The following WWOX variants were observed in gnomAD, a reference collection of about 807,000 sequenced individuals.
WWOX encodes WW domain-containing oxidoreductase.
WWOX carries 69 observed loss-of-function variants against 46.2 expected under a neutral mutation model. That is an observed-to-expected ratio of 1.49 (90% CI 1.23 to 1.82). The LOEUF (loss-of-function observed/expected upper bound fraction) is 1.82. Ranked by LOEUF, WWOX falls within the 40% of genes most tolerant of loss-of-function variation. The pLI is 0.00. For synonymous variants in WWOX, 359 were observed against 202.6 expected (o/e 1.77, Z -6.56); for missense variants, 919 against 542.6 (o/e 1.69, Z -6.89).
intron 7 of WWOX, among the ~76,000 whole-genome samples, chr16:78,427,841 C>T (rs1012341412): frequency 6.6e-6 from 1 of 151,956 alleles, no homozygotes; most frequent in Non-Finnish European, 1.5e-5. Flanking sequence ...TGTCTCACGC[C>T]TGTAATCCCA....
At chr16:79,172,251 T>C (rs1340998258) in intron 8 of WWOX, among the ~76,000 whole-genome samples, 1 of 152,204 alleles carries the variant, frequency 6.6e-6, no homozygotes, top group African/African-American at 2.4e-5. Context: ...GAGCAGGAAC[T>C]GTGTATATCC....
intron 8 of WWOX, among the ~76,000 whole-genome samples, chr16:78,594,718 T>G (rs2045443963): frequency 1.3e-5 from 2 of 152,120 alleles, no homozygotes; most frequent in East Asian, 3.9e-4. Flanking sequence ...TGTCCCTTTT[T>G]ATAACTCATA....
intron 6 of WWOX, among the ~76,000 whole-genome samples, chr16:78,396,382 T>A (rs2082287464): frequency 6.6e-6 from 1 of 152,170 alleles, no homozygotes; most frequent in African/African-American, 2.4e-5. Context: ...GTGTTCGAAT[T>A]AACCACACCA....
intron 5 of WWOX, among the ~76,000 whole-genome samples, chr16:78,376,979 C>G (rs990687907): frequency 1.3e-5 from 2 of 152,176 alleles, no homozygotes; most frequent in Non-Finnish European, 2.9e-5. Flanking sequence ...TATTGACTTG[C>G]GACTTGCGGC....
intron 8 of WWOX, among the ~76,000 whole-genome samples, chr16:79,081,570 G>A (rs1396183384): frequency 6.6e-6 from 1 of 152,066 alleles, no homozygotes; most frequent in African/African-American, 2.4e-5. Context: ...CTCTTTGTGG[G>A]GCCCTGAACA....
At chr16:79,204,304 G>C (rs897434799) in intron 8 of WWOX, 2 of 151,982 alleles carry the variant, frequency 1.3e-5, no homozygotes, top group African/African-American at 2.4e-5. Context: ...CTCAGGTCCG[G>C]TCAGTTCTAG....
intron 8 of WWOX, among the ~76,000 whole-genome samples, chr16:78,983,954 T>C (rs2046734470): frequency 7.1e-6 from 1 of 141,780 alleles, no homozygotes; most frequent in African/African-American, 2.6e-5. Context: ...CTCAGCTGAC[T>C]GCAAGCTCTG....
In WWOX at chr16:78,406,331, TA is replaced by T. The variant is rs1567553396; in HGVS notation, c.606-18538del. Reference sequence around the variant, plus strand: ...ATATATATATATATATATATATATATATATATATATATATATATATATATTT... The same window carrying T: ...ATATATATATATATATATATATATATTATATATATATATATATATATATTT... On this transcript the variant is annotated intron_variant, in intron 6 of 8. Coordinates refer to ENST00000566780, the MANE Select transcript of WWOX (RefSeq NM_016373.4). Among the ~76,000 whole-genome samples the T allele has an allele frequency of 8.2e-4, 78 of 95,056 alleles. 2 individuals carry two copies. Among genetic ancestry groups the T allele is most frequent in the African/African-American group, 6.0e-3 (74 of 12,284 alleles). The allele number at this position is 95,056 out of a possible 152,430, so 62.4% of individuals were successfully genotyped here.
intron 8 of WWOX, among the ~76,000 whole-genome samples, chr16:79,151,514 C>G (rs1439234086): frequency 1.3e-5 from 2 of 152,220 alleles, no homozygotes; most frequent in East Asian, 1.9e-4. Flanking sequence ...TCTACATGAT[C>G]AGTGTTCAGG....
At chr16:78,943,744 T>C (rs1414196303) in intron 8 of WWOX, among the ~76,000 whole-genome samples, 1 of 152,138 alleles carries the variant, frequency 6.6e-6, no homozygotes, top group African/African-American at 2.4e-5. Context: ...GCCAAGACCA[T>C]TAAGCTTCCT....
At chr16:78,608,036 T>C (rs999454833) in intron 8 of WWOX, among the ~76,000 whole-genome samples, 12 of 152,188 alleles carry the variant, frequency 7.9e-5, no homozygotes, top group African/African-American at 1.9e-4. Context: ...ACAAATCTTA[T>C]ATCATTAGAT....
intron 8 of WWOX, among the ~76,000 whole-genome samples, chr16:78,461,334 C>G (rs774110909): frequency 3.3e-5 from 5 of 151,924 alleles, no homozygotes; most frequent in Non-Finnish European, 7.4e-5. Context: ...AAATGAGGAA[C>G]TCATCGGTAA....
At chr16:79,008,411 G>A (rs546465691) in intron 8 of WWOX, among the ~76,000 whole-genome samples, 8 of 152,118 alleles carry the variant, frequency 5.3e-5, no homozygotes, top group Admixed American at 2.6e-4. Context: ...TGACATCTGC[G>A]AAATTCCTCC....
At chr16:78,716,203 G>A (rs950370671) in intron 8 of WWOX, among the ~76,000 whole-genome samples, 4 of 151,978 alleles carry the variant, frequency 2.6e-5, no homozygotes, top group African/African-American at 9.7e-5. Context: ...AAAAACATAG[G>A]GCCGTGTAGA....
chr16:79,043,815 T>G (rs1313363268), intron 8 of WWOX, among the ~76,000 whole-genome samples: 1 of 152,216 alleles, frequency 6.6e-6, no homozygotes, highest in African/African-American at 2.4e-5. Flanking sequence ...GCTAGCTTTA[T>G]TCTAAGACAG....
intron 8 of WWOX, among the ~76,000 whole-genome samples, chr16:78,685,333 C>G (rs969609641): frequency 6.6e-6 from 1 of 152,100 alleles, no homozygotes; most frequent in Non-Finnish European, 1.5e-5. Flanking sequence ...TAATAACTTT[C>G]ATTCTGTGAT....
intron 8 of WWOX, among the ~76,000 whole-genome samples, chr16:78,624,026 A>G (rs1597363639): frequency 6.6e-6 from 1 of 152,160 alleles, no homozygotes; most frequent in African/African-American, 2.4e-5. Flanking sequence ...TAGATGAGGA[A>G]AGTAAGAACC....
At chr16:79,112,544 G>C (rs1162309933) in intron 8 of WWOX, among the ~76,000 whole-genome samples, 1 of 151,958 alleles carries the variant, frequency 6.6e-6, no homozygotes, top group African/African-American at 2.4e-5. Context: ...CAACATCCCC[G>C]GCAAACGGGA....
chr16:78,832,119 A>AG (rs1207808173), intron 8 of WWOX, among the ~76,000 whole-genome samples: 2 of 152,200 alleles, frequency 1.3e-5, no homozygotes, highest in Non-Finnish European at 1.5e-5. Context: ...ATTCTAGCTC[A>AG]GGGTCTTTTC....
Sources: allele counts gnomAD v4.1 joint callset (sites outside exome capture counted in the v4.1 genomes callset), GRCh38; gene constraint gnomAD v4.1.1; transcripts MANE v1.5; gene names NCBI Gene and HGNC (gene_info 2026-07-23, HGNC 2026-07-21).